MTAP: variants seen among roughly 807,000 people sequenced by gnomAD.
The protein encoded by MTAP is methylthioadenosine phosphorylase.
In MTAP, 33 loss-of-function variants were observed where a neutral mutation model predicts 33.6. The observed-to-expected ratio is 0.98, with a 90% CI of 0.74 to 1.31. The LOEUF (loss-of-function observed/expected upper bound fraction) is 1.31. Among genes scored for constraint, MTAP ranks in the 40% most tolerant of loss-of-function variants. MTAP has a pLI of 0.00. For missense variants in MTAP, 367 were observed against 360.0 expected, an observed-to-expected ratio of 1.02 and a Z score of -0.16; for synonymous variants, 148 against 125.7, an observed-to-expected ratio of 1.18 and a Z score of -1.19.
At chr9:21,906,706 A>G (rs184620745) in intron 1 of MTAP, among the ~76,000 whole-genome samples, 2 of 152,378 alleles carry the variant, frequency 1.3e-5, no homozygotes, top group Admixed American at 1.3e-4. Context: ...AAATTAATTT[A>G]GCTTAAATTA....
intron 1 of MTAP, among the ~76,000 whole-genome samples, chr9:21,916,083 G>C (rs1285898766): frequency 7.5e-6 from 1 of 133,916 alleles, no homozygotes; most frequent in African/African-American, 3.0e-5. Context: ...AGGAAGGAAA[G>C]GAAGGAAGGA....
intron 1 of MTAP, among the ~76,000 whole-genome samples, chr9:21,804,403 A>T (rs536346838): frequency 6.6e-6 from 1 of 152,192 alleles, no homozygotes; most frequent in Non-Finnish European, 1.5e-5. Context: ...TTTCCCTTCA[A>T]ATTAATGCAG....
At position 21,925,653 on chromosome 9, in the gene MTAP, G is replaced by A. The variant is rs191878544; in HGVS notation, c.148-5355G>A. 1.3e-3 allele frequency among the ~76,000 whole-genome samples: 191 copies of A among 152,278 alleles called. 2 individuals carry two copies. The highest frequency in any genetic ancestry group is 4.1e-3 in the African/African-American group (172 of 41,562). Reference sequence around the variant, plus strand: ...AATCCCTACATGGCTTGCCCTTTCTGTCACAAACTCAACCACTGGAAATGG... The same window carrying A: ...AATCCCTACATGGCTTGCCCTTTCTATCACAAACTCAACCACTGGAAATGG... On this transcript the variant is annotated intron_variant, in intron 1 of 1. Coordinates refer to the MTAP transcript ENST00000577563.
At chr9:21,912,624 G>A (rs1160101208) in intron 1 of MTAP, among the ~76,000 whole-genome samples, 1 of 152,100 alleles carries the variant, frequency 6.6e-6, no homozygotes, top group Non-Finnish European at 1.5e-5. Flanking sequence ...GTATTGTTGG[G>A]ATGTATCTCA....
At chr9:21,817,546 C>T (rs549492131) in intron 3 of MTAP, among the ~76,000 whole-genome samples, 53 of 152,154 alleles carry the variant, frequency 3.5e-4, no homozygotes, top group Non-Finnish European at 6.5e-4. Context: ...CATTCCCTGC[C>T]GTGTGGCCTG....
chr9:21,895,227 A>C (rs923941663), intron 1 of MTAP, among the ~76,000 whole-genome samples: 2 of 152,238 alleles, frequency 1.3e-5, no homozygotes, highest in African/African-American at 4.8e-5. Flanking sequence ...AAGCAAGCCT[A>C]AGCAAAATGA....
chr9:21,802,983 CCA>C, intron 1 of MTAP: 1 of 1,162,746 alleles, frequency 8.6e-7, no homozygotes, highest in South Asian at 1.7e-5. Context: ...TGCCGCACCG[CCA>C]ACACACACAC....
intron 1 of MTAP, among the ~76,000 whole-genome samples, chr9:21,889,282 A>C (rs1221384743): frequency 6.6e-6 from 1 of 151,976 alleles, no homozygotes; most frequent in African/African-American, 2.4e-5. Context: ...GAATTGTTTC[A>C]TCCATATCCT....
chr9:21,826,940 C>T (rs535003809), intron 4 of MTAP, among the ~76,000 whole-genome samples: 38 of 152,136 alleles, frequency 2.5e-4, no homozygotes, highest in Middle Eastern at 3.4e-3. Context: ...GTGAACTGCA[C>T]GTGGAAGGGA....
intron 1 of MTAP, among the ~76,000 whole-genome samples, chr9:21,910,045 G>C (rs1241029557): frequency 1.3e-5 from 2 of 152,094 alleles, no homozygotes; most frequent in Non-Finnish European, 2.9e-5. Flanking sequence ...GGTCAGAAAA[G>C]GGACAAAATG....
chr9:21,915,051 C>CTTT (rs1563869484), intron 1 of MTAP, among the ~76,000 whole-genome samples: 1 of 36,498 alleles, frequency 2.7e-5, no homozygotes, highest in African/African-American at 1.4e-4. Flanking sequence ...TTCCTTCCTT[C>CTTT]CTTCCTTTCT....
At chr9:21,832,392 C>A (rs138925246) in intron 4 of MTAP, among the ~76,000 whole-genome samples, 1 of 152,146 alleles carries the variant, frequency 6.6e-6, no homozygotes, top group African/African-American at 2.4e-5. Flanking sequence ...TAAAGAGTTA[C>A]GCAAGAAGCC....
chr9:21,884,695 C>T (rs1818080140), intron 1 of MTAP, among the ~76,000 whole-genome samples: 1 of 152,096 alleles, frequency 6.6e-6, no homozygotes, highest in African/African-American at 2.4e-5. Flanking sequence ...GGACACTAAT[C>T]CCATCATGGG....
chr9:21,816,273 A>G (rs142162320), intron 2 of MTAP, among the ~76,000 whole-genome samples: 184 of 152,280 alleles, frequency 1.2e-3, no homozygotes, highest in Non-Finnish European at 1.9e-3. Context: ...TGTTACCTCA[A>G]GTCATTTCCA....
At chr9:21,854,989 G>A (rs1825603648) in intron 6 of MTAP, 119 bp downstream of exon 6, 22 of 1,358,736 alleles carry the variant, frequency 1.6e-5, no homozygotes, top group Non-Finnish European at 2.0e-5. Flanking sequence ...AGGTTTTGAA[G>A]TTGTTAATAT....
At chr9:21,832,494 T>C (rs530364259) in intron 4 of MTAP, among the ~76,000 whole-genome samples, 1 of 152,348 alleles carries the variant, frequency 6.6e-6, no homozygotes, top group African/African-American at 2.4e-5. Flanking sequence ...CCTCACTCTT[T>C]AGCTGAGAAT....
intron 1 of MTAP, among the ~76,000 whole-genome samples, chr9:21,803,906 C>T (rs981486229): frequency 6.6e-6 from 1 of 152,130 alleles, no homozygotes; most frequent in Non-Finnish European, 1.5e-5. Flanking sequence ...AAATGAGCCA[C>T]TTAGAATGAG....
downstream of MTAP, chr9:21,935,541 C>A (rs2131055318): frequency 6.6e-6 from 1 of 152,018 alleles, no homozygotes; most frequent in East Asian, 1.9e-4. Context: ...GTCACATCCC[C>A]TGGGCATGGA....
chr9:21,859,820 T>C (rs936181836), intron 7 of MTAP: 5 of 155,242 alleles, frequency 3.2e-5, no homozygotes, highest in African/African-American at 1.2e-4. Flanking sequence ...GCCAAAACTC[T>C]GACAATAGTA....
Sources: gnomAD v4.1 joint callset for allele counts (sites outside exome capture counted in the v4.1 genomes callset) on GRCh38, gnomAD v4.1.1 for gene constraint, MANE v1.5 for transcripts, NCBI Gene and HGNC (gene_info 2026-07-23, HGNC 2026-07-21) for gene names.